The following RAB8B variants were observed in gnomAD, a reference collection of about 807,000 sequenced individuals.
The protein encoded by RAB8B is RAB8B, member RAS oncogene family.
Under a neutral mutation model 32.0 loss-of-function variants are expected in RAB8B, and 11 were observed. The observed-to-expected ratio is 0.34, with a 90% confidence interval of 0.22 to 0.57. RAB8B has a LOEUF of 0.57. Ranked by LOEUF, RAB8B falls within the 20% of genes least tolerant of loss-of-function variation. The pLI is 0.86. For synonymous variants in RAB8B, 103 were observed against 89.6 expected (o/e 1.15, Z -0.85); for missense variants, 190 against 258.5 (o/e 0.73, Z 1.82).
In RAB8B at chr15:63,259,573, AT is replaced by A. The variant is rs1409649388; in HGVS notation, c.415-52del. 3.4e-6 allele frequency: 5 copies of A among 1,452,850 alleles called. No individual in the cohort carries two copies. Among genetic ancestry groups the A allele is most frequent in the Non-Finnish European group, 4.8e-6 (5 of 1,036,298 alleles). The allele number at this position is 1,452,850 out of a possible 1,614,324, so 90.0% of individuals were successfully genotyped here. On this transcript the variant is annotated intron_variant, in intron 5 of 7. Coordinates refer to ENST00000321437, the MANE Select transcript of RAB8B (RefSeq NM_016530.3). This position sits in a 1 kb window ranked among gnomAD's most constrained non-coding sequence, Gnocchi z 4.4. Reference sequence around the variant, plus strand: ...TGAAAAACCTAAGAAATACAAATGCATTATGTGTTCAAGTATCTTTTGCTAA... The same window carrying A: ...TGAAAAACCTAAGAAATACAAATGCATATGTGTTCAAGTATCTTTTGCTAA...
chr15:63,238,398 A>C (rs1028208974), intron 1 of RAB8B, among the ~76,000 whole-genome samples: 8 of 152,126 alleles, frequency 5.3e-5, no homozygotes, highest in African/African-American at 1.9e-4. Flanking sequence ...CTGTGGTCAC[A>C]GTTCAGCACA....
chr15:63,229,757 G>C (rs928508208), intron 1 of RAB8B, among the ~76,000 whole-genome samples: 6 of 123,650 alleles, frequency 4.9e-5, no homozygotes, highest in African/African-American at 1.9e-4. Context: ...CTCCAGCCTA[G>C]GTGACAGAGC....
chr15:63,204,323 G>C (rs1319441604), intron 1 of RAB8B, among the ~76,000 whole-genome samples: 1 of 152,128 alleles, frequency 6.6e-6, no homozygotes, highest in African/African-American at 2.4e-5. Flanking sequence ...GTGTAAGGAG[G>C]CATTGAAAAA....
At chr15:63,243,798 A>G (rs1285528553) in intron 1 of RAB8B, among the ~76,000 whole-genome samples, 2 of 152,154 alleles carry the variant, frequency 1.3e-5, no homozygotes, top group African/African-American at 4.8e-5. Flanking sequence ...TGCATAGTTT[A>G]TAATGAACAG....
chr15:63,230,521 C>T (rs1227482614), intron 1 of RAB8B, among the ~76,000 whole-genome samples: 3 of 152,120 alleles, frequency 2.0e-5, no homozygotes, highest in Non-Finnish European at 2.9e-5. Flanking sequence ...AAGCTGTTTT[C>T]GAACTCCTGA....
At chr15:63,254,026 G>C (rs942035302) in intron 3 of RAB8B, among the ~76,000 whole-genome samples, 2 of 152,220 alleles carry the variant, frequency 1.3e-5, no homozygotes, top group African/African-American at 4.8e-5. Flanking sequence ...GAGTACCCCA[G>C]CCTAGCCCTT....
intron 1 of RAB8B, among the ~76,000 whole-genome samples, chr15:63,242,953 A>G (rs367600056): frequency 5.3e-5 from 8 of 152,342 alleles, no homozygotes; most frequent in East Asian, 1.9e-4. Flanking sequence ...ACATTGTAAT[A>G]TATAATGAAA....
rs1459538350 is a variant in RAB8B at position 63,189,659 on chromosome 15, T to C, written c.35T>C (p.Leu12Pro). 1 of 1,613,886 alleles carries C rather than the reference T, an allele frequency of 6.2e-7. No homozygotes were observed. The highest frequency in any genetic ancestry group is 1.3e-5 in the African/African-American group (1 of 74,916). Residue 12 changes from leucine (L) to proline (P), a missense_variant, in exon 1 of 8, where the codon CTG becomes CCG. Physicochemically the swap from Leu to Pro is moderately conservative, Grantham distance 98 (BLOSUM62 -3). This residue lies in a region of RAB8B where 80 missense variants were observed against 142.6 expected (regional missense o/e 0.56). Transcript: ENST00000321437. ...ACGTACGATTATCTCTTCAAGCTCCTGCTGATCGGCGACTCGGGGGTAGGC... is the reference window on the plus strand; with the variant it reads ...ACGTACGATTATCTCTTCAAGCTCCCGCTGATCGGCGACTCGGGGGTAGGC... ...AKTYDYLFKL[L>P]LIGDSGVGKT...
rs370595767 is a variant in RAB8B at position 63,263,935 on chromosome 15, A to G, written c.*316A>G. On this transcript the variant is annotated 3_prime_UTR_variant, in exon 8 of 8. Transcript: ENST00000321437. ...TGCACATCAGTGTTAGCCTTTCCCT[A>G]TTTCAGCACAATCTTAGACTCATAT... 3.9e-5 allele frequency: 9 copies of G among 230,698 alleles called. No homozygotes were observed. Among genetic ancestry groups the G allele is most frequent in the East Asian group, 2.9e-4 (3 of 10,458 alleles). The allele number at this position is 230,698 out of a possible 1,614,324, so 14.3% of individuals were successfully genotyped here.
At chr15:63,255,088 C>G (rs941409698) in intron 3 of RAB8B, among the ~76,000 whole-genome samples, 4 of 152,286 alleles carry the variant, frequency 2.6e-5, no homozygotes, top group African/African-American at 7.2e-5. Flanking sequence ...TGGTCTCAAT[C>G]TTAGTAGAAG....
intron 3 of RAB8B, 129 bp from the exon 4 acceptor site, chr15:63,255,370 CAAATTTAT>C (rs2152582987): frequency 1.8e-6 from 1 of 542,146 alleles, no homozygotes; most frequent in African/African-American, 1.9e-5. Context: ...CTGTACTTTT[CAAATTTAT>C]TATGAACCCT....
intron 1 of RAB8B, among the ~76,000 whole-genome samples, chr15:63,222,594 G>A (rs1020962782): frequency 4.6e-5 from 7 of 152,228 alleles, no homozygotes; most frequent in Non-Finnish European, 1.0e-4. Context: ...CTGGAGTGCA[G>A]TGGCACAATC....
chr15:63,207,013 C>T (rs1191595406), intron 1 of RAB8B, among the ~76,000 whole-genome samples: 5 of 152,308 alleles, frequency 3.3e-5, no homozygotes, highest in African/African-American at 1.2e-4. Flanking sequence ...CAGGAATTGT[C>T]TGCTCCAGCA....
intron 1 of RAB8B, among the ~76,000 whole-genome samples, chr15:63,208,832 A>G (rs1476947621): frequency 6.7e-6 from 1 of 150,068 alleles, no homozygotes; most frequent in East Asian, 2.0e-4. Context: ...GGCACTTACC[A>G]TGTTGTTCCT....
intron 1 of RAB8B, among the ~76,000 whole-genome samples, chr15:63,201,685 A>C (rs987301185): frequency 6.6e-6 from 1 of 152,198 alleles, no homozygotes; most frequent in Non-Finnish European, 1.5e-5. Flanking sequence ...ACTTTCACTT[A>C]TGTTATTACT....
In RAB8B at chr15:63,266,272, A is replaced by G. The variant is rs922982944; in HGVS notation, c.*2653A>G. On this transcript the variant is annotated 3_prime_UTR_variant, in exon 8 of 8. Transcript: ENST00000321437. ...ACAGTGATTGGACTAGACCTTTTCA[A>G]ATAGAGTCTGAGGGTATCAGACAGT... The G allele has an allele frequency of 2.0e-5, 3 of 152,564 alleles. No individual in the cohort carries two copies. The highest frequency in any genetic ancestry group is 7.2e-5 in the African/African-American group (3 of 41,436). The allele number at this position is 152,564 out of a possible 1,614,324, so 9.5% of individuals were successfully genotyped here. A position where few individuals can be genotyped will look rare whatever the true frequency, so the allele number is the denominator to read the frequency against.
At chr15:63,194,776 T>C (rs897514509) in intron 1 of RAB8B, among the ~76,000 whole-genome samples, 3 of 152,314 alleles carry the variant, frequency 2.0e-5, no homozygotes, top group African/African-American at 7.2e-5. Flanking sequence ...ACCTGCAGCC[T>C]GTTTTTGTGT....
Position 63,213,010 on chromosome 15 carries a change from G to T in RAB8B, c.124+23262G>T, listed in dbSNP as rs2037760672. 2.6e-5 allele frequency among the ~76,000 whole-genome samples: 4 copies of T among 152,268 alleles called. No homozygotes were observed. In the South Asian group the frequency reaches 8.3e-4, roughly 32 times the overall value. ...TATAAGGCTTTGGCAGAGGCCTAAAGCATGTTTTAGTGTCTAAGTCTTCCC... is the reference window on the plus strand; with the variant it reads ...TATAAGGCTTTGGCAGAGGCCTAAATCATGTTTTAGTGTCTAAGTCTTCCC... On this transcript the variant is annotated intron_variant, in intron 1 of 7. Coordinates refer to ENST00000321437, the MANE Select transcript of RAB8B (RefSeq NM_016530.3).
chr15:63,203,431 G>C (rs2037669297), intron 1 of RAB8B, among the ~76,000 whole-genome samples: 1 of 152,164 alleles, frequency 6.6e-6, no homozygotes, highest in Non-Finnish European at 1.5e-5. Context: ...TTTATTTTTT[G>C]AGAATTGAAT....
Sources: allele counts gnomAD v4.1 joint callset (sites outside exome capture counted in the v4.1 genomes callset), GRCh38; gene constraint gnomAD v4.1.1; regional missense constraint gnomAD v4.1.1; non-coding constraint Gnocchi (gnomAD v3.1); transcripts MANE v1.5; gene names NCBI Gene and HGNC (gene_info 2026-07-23, HGNC 2026-07-21).